TMOD1: variants seen among roughly 807,000 people sequenced by gnomAD.
TMOD1 encodes tropomodulin 1.
Under a neutral mutation model 40.6 loss-of-function variants are expected in TMOD1, and 17 were observed. The ratio of observed to expected loss-of-function variants is 0.42; its 90% CI spans 0.29 to 0.63. The LOEUF is 0.63. TMOD1 is among the 20% of genes least tolerant of loss of function. The pLI is 0.22. For missense variants in TMOD1, 391 were observed against 447.6 expected (o/e 0.87, Z 1.14); for synonymous variants, 181 against 175.0 (o/e 1.03, Z -0.27).
rs1830552033 is a variant in TMOD1, at chr9:97,557,329, T to C, written c.397+3929T>C. Among the ~76,000 whole-genome samples, 1 of 152,140 alleles carries C rather than the reference T, an allele frequency of 6.6e-6. No homozygotes were observed. The highest frequency in any genetic ancestry group is 1.5e-5 in the Non-Finnish European group (1 of 68,016). ...GTCAGCAAGCACTTGTAATTCGCAG[T>C]GCCTCCCCTGCCCACTCAGGGAGGT... is the stretch of plus-strand genomic sequence containing the variant. On this transcript the variant is annotated intron_variant, in intron 4 of 9. Transcript: ENST00000259365. This position sits in a 1 kb window ranked among gnomAD's most constrained non-coding sequence, Gnocchi z 4.4.
chr9:97,600,796 G>A lies in TMOD1; in HGVS notation c.*1098G>A, dbSNP rs764422064. The A allele has an allele frequency of 9.3e-6, 10 of 1,073,566 alleles. No homozygotes were observed. Among genetic ancestry groups the A allele is most frequent in the Non-Finnish European group, 1.0e-5 (9 of 880,382 alleles). 66.5% of individuals were successfully genotyped at this position (1,073,566 alleles called of 1,614,324 possible). ...ATGATTACACTGAAATGTAGTATTA[G>A]TACTGCTGCCAGATCTCTTTTTAAC... On this transcript the variant is annotated 3_prime_UTR_variant, in exon 10 of 10. Coordinates refer to ENST00000259365, the MANE Select transcript of TMOD1 (RefSeq NM_003275.4).
At chr9:97,512,401 T>C (rs1426719043) in intron 1 of TMOD1, among the ~76,000 whole-genome samples, 1 of 152,214 alleles carries the variant, frequency 6.6e-6, no homozygotes, top group Non-Finnish European at 1.5e-5. Context: ...GACCTAGCAA[T>C]TCCACTCCTG....
Position 97,600,799 on chromosome 9 carries a change from C to G in TMOD1, c.*1101C>G. ...ATTACACTGAAATGTAGTATTAGTA[C>G]TGCTGCCAGATCTCTTTTTAACATC... On this transcript the variant is annotated 3_prime_UTR_variant, in exon 10 of 10. Transcript: ENST00000259365. The G allele has an allele frequency of 9.3e-7, 1 of 1,073,904 alleles. No homozygotes were observed. Among genetic ancestry groups the G allele is most frequent in the African/African-American group, 1.7e-5 (1 of 59,318 alleles). 66.5% of individuals were successfully genotyped at this position (1,073,904 alleles called of 1,614,324 possible). A position where few individuals can be genotyped will look rare whatever the true frequency, so the allele number is the denominator to read the frequency against.
At chr9:97,580,242 G>T (rs189509984) in intron 8 of TMOD1, among the ~76,000 whole-genome samples, 9 of 152,210 alleles carry the variant, frequency 5.9e-5, no homozygotes, top group Admixed American at 5.2e-4. Context: ...TTCTATTTCT[G>T]GTTTTTAAAT....
At chr9:97,559,882 G>A (rs1830611679) in intron 4 of TMOD1, among the ~76,000 whole-genome samples, 1 of 139,112 alleles carries the variant, frequency 7.2e-6, no homozygotes, top group Admixed American at 7.6e-5. Context: ...GGTCCAGGAT[G>A]GAGAGAGGCA....
rs1554754345 is a variant in TMOD1, at chr9:97,531,040, C to CCG, written c.120+6733_120+6734insGC. Among the ~76,000 whole-genome samples, 14 of 135,492 alleles carry CCG rather than the reference C, an allele frequency of 1.0e-4. No homozygotes were observed. The East Asian group carries it at 1.7e-3, about 17-fold the overall frequency. The allele number at this position is 135,492 out of a possible 152,430, so 88.9% of individuals were successfully genotyped here. ...TGACCTTAGGTGATCCACACCCACC[C>CCG]CCCCCACCACCCCTTGGCCTCCCAA... On this transcript the variant is annotated intron_variant, in intron 2 of 9. Coordinates refer to ENST00000259365, the MANE Select transcript of TMOD1 (RefSeq NM_003275.4).
chr9:97,544,480 G>C (rs1830328865), intron 2 of TMOD1, among the ~76,000 whole-genome samples: 1 of 149,460 alleles, frequency 6.7e-6, no homozygotes, highest in Admixed American at 6.7e-5. Context: ...AGGTTGCATT[G>C]AGCCGAGATC....
chr9:97,570,064 C>T, intron 8 of TMOD1, among the ~76,000 whole-genome samples: 1 of 152,062 alleles, frequency 6.6e-6, no homozygotes, highest in East Asian at 1.9e-4. Flanking sequence ...CTGAGTGAGA[C>T]TATCACAAGT....
intron 2 of TMOD1, 86 bp downstream of exon 2, chr9:97,524,394 C>T: frequency 6.7e-7 from 1 of 1,489,432 alleles, no homozygotes; most frequent in Non-Finnish European, 9.1e-7. Context: ...GCCACCACTT[C>T]CTTTTTCCTT....
At chr9:97,535,405 C>A (rs1466160526) in intron 2 of TMOD1, among the ~76,000 whole-genome samples, 1 of 152,160 alleles carries the variant, frequency 6.6e-6, no homozygotes, top group Non-Finnish European at 1.5e-5. Context: ...CTGCACTGTG[C>A]TTTCTCTCTC....
At chr9:97,581,621 A>C (rs1178759046) in intron 8 of TMOD1, among the ~76,000 whole-genome samples, 2 of 150,762 alleles carry the variant, frequency 1.3e-5, no homozygotes, top group Non-Finnish European at 3.0e-5. Context: ...ACAGTGTAAA[A>C]GTGTTCCTAT....
At chr9:97,555,717 T>A in intron 4 of TMOD1, 1 of 1,538,078 alleles carries the variant, frequency 6.5e-7, no homozygotes, top group Non-Finnish European at 8.8e-7. Context: ...TCTATGTGAG[T>A]TGCTCTCAAG....
Position 97,600,507 on chromosome 9 carries a change from A to T in TMOD1, c.*809A>T. On this transcript the variant is annotated 3_prime_UTR_variant, in exon 10 of 10. Transcript: ENST00000259365. ...TGGATGTGAAAATCTACGGCCAAAT[A>T]CTTTTGAAAACACCTTTCTATATTG... The T allele has an allele frequency of 2.0e-6, 2 of 985,626 alleles. No homozygotes were observed. Among genetic ancestry groups the T allele is most frequent in the Non-Finnish European group, 2.4e-6 (2 of 830,104 alleles). 61.1% of individuals were successfully genotyped at this position (985,626 alleles called of 1,614,324 possible).
Position 97,503,474 on chromosome 9 carries a change from T to C in TMOD1, c.-49+1671T>C, listed in dbSNP as rs370190538. Among the ~76,000 whole-genome samples the C allele has an allele frequency of 3.9e-5, 6 of 152,328 alleles. No homozygotes were observed. The South Asian group carries it at 1.0e-3, about 26-fold the overall frequency. Reference sequence around the variant, plus strand: ...GGAAATGGAGTCAGATAATAAAGTTTCCATCAGTTAGAGCCACACAACCAA... The same window carrying C: ...GGAAATGGAGTCAGATAATAAAGTTCCCATCAGTTAGAGCCACACAACCAA... On this transcript the variant is annotated intron_variant, in intron 1 of 9. Transcript: ENST00000259365.
chr9:97,508,911 A>C (rs1416359085), intron 1 of TMOD1, among the ~76,000 whole-genome samples: 1 of 152,228 alleles, frequency 6.6e-6, no homozygotes, highest in Non-Finnish European at 1.5e-5. Context: ...ACACGCCCTT[A>C]AAAAGGCTTG....
chr9:97,565,006 A>G (rs1830705991), intron 6 of TMOD1, among the ~76,000 whole-genome samples: 1 of 152,152 alleles, frequency 6.6e-6, no homozygotes, highest in Admixed American at 6.5e-5. Flanking sequence ...TGGCCTCCCC[A>G]TGCTCTGCTC....
intron 1 of TMOD1, among the ~76,000 whole-genome samples, chr9:97,520,085 A>G (rs926774390): frequency 6.6e-6 from 1 of 152,162 alleles, no homozygotes; most frequent in African/African-American, 2.4e-5. Flanking sequence ...TACATCAGGT[A>G]AAATCAGGAG....
rs1829515584 is a variant in TMOD1 at position 97,502,308 on chromosome 9, C to T, written c.-49+505C>T. On this transcript the variant is annotated intron_variant, in intron 1 of 9. Transcript: ENST00000259365. This position sits in a 1 kb window ranked among gnomAD's most constrained non-coding sequence, Gnocchi z 6.1. ...GTGGGGGAGTAAAGGCTCGACTGGA[C>T]GTGGATCCCAGGTTCGCGCTGAGAG... Among the ~76,000 whole-genome samples the T allele has an allele frequency of 6.6e-6, 1 of 152,158 alleles. No homozygotes were observed. Among genetic ancestry groups the T allele is most frequent in the Non-Finnish European group, 1.5e-5 (1 of 68,026 alleles).
intron 4 of TMOD1, among the ~76,000 whole-genome samples, chr9:97,559,771 TTAAAAAA>T (rs1437130421): frequency 0.059 from 3,691 of 62,380 alleles, 140 homozygotes; most frequent in Middle Eastern, 0.092. Context: ...CCTCAAAAAT[TTAAAAAA>T]AAAAAAAAAA....
Sources: gnomAD v4.1 joint callset for allele counts (sites outside exome capture counted in the v4.1 genomes callset) on GRCh38, gnomAD v4.1.1 for gene constraint, Gnocchi (gnomAD v3.1) non-coding constraint, MANE v1.5 for transcripts, NCBI Gene and HGNC (gene_info 2026-07-23, HGNC 2026-07-21) for gene names.